NCEH1: variants seen among roughly 807,000 people sequenced by gnomAD.
The protein encoded by NCEH1 is 2-acetyl MAGE hydrolase.
Under a neutral mutation model 25.4 loss-of-function variants are expected in NCEH1, and 9 were observed. That is an observed-to-expected ratio of 0.35 (90% confidence interval 0.21 to 0.62). The LOEUF is 0.62. NCEH1 is among the 20% of genes least tolerant of loss of function. The probability of loss-of-function intolerance (pLI) is 0.72; values close to 1 mark genes in which losing one functional copy is unlikely to be tolerated. For missense variants in NCEH1, 412 were observed against 501.1 expected (o/e 0.82, Z 1.70); for synonymous variants, 200 against 199.8 (o/e 1.00, Z -0.01).
At chr3:172,641,691 T>C (rs1201576237) in intron 3 of NCEH1, among the ~76,000 whole-genome samples, 3 of 152,298 alleles carry the variant, frequency 2.0e-5, no homozygotes, top group East Asian at 3.9e-4. Flanking sequence ...CTTACTTCTG[T>C]TTTCCTCAGT....
Position 172,633,640 on chromosome 3 carries a change from G to T in NCEH1, c.1062C>A (p.Gly354=). Reference sequence around the variant, plus strand: ...TCTCCAAACGCTTGGCATACATGATGCCATCGTCTCTGAGGACATCATGCT... The same window carrying T: ...TCTCCAAACGCTTGGCATACATGATTCCATCGTCTCTGAGGACATCATGCT... ...TCEHDVLRDD[G]IMYAKRLESA... is the part of the protein sequence containing the mutation. Residue 354 remains glycine (G), a synonymous_variant, in exon 5 of 5, where the codon GGC becomes GGA. Transcript: ENST00000475381. 5 of 1,614,172 alleles carry T rather than the reference G, an allele frequency of 3.1e-6. No homozygotes were observed. The highest frequency in any genetic ancestry group is 4.2e-6 in the Non-Finnish European group (5 of 1,180,012).
chr3:172,664,206 C>T (rs1483257633), intron 1 of NCEH1, among the ~76,000 whole-genome samples: 1 of 152,126 alleles, frequency 6.6e-6, no homozygotes, highest in South Asian at 2.1e-4. Context: ...TTTTATTTCT[C>T]CTTCACTTAT....
intron 1 of NCEH1, among the ~76,000 whole-genome samples, chr3:172,655,700 GA>G (rs1330436353): frequency 2.6e-5 from 4 of 152,190 alleles, no homozygotes. Flanking sequence ...CTGAGGCCTG[GA>G]TCTCTACTCC....
At chr3:172,706,653 T>G (rs1714013485) in intron 1 of NCEH1, among the ~76,000 whole-genome samples, 1 of 151,842 alleles carries the variant, frequency 6.6e-6, no homozygotes, top group Admixed American at 6.6e-5. Flanking sequence ...CGCGCACCAC[T>G]GCACCCGGCT....
intron 1 of NCEH1, among the ~76,000 whole-genome samples, chr3:172,653,722 T>TTC (rs1717521999): frequency 6.8e-6 from 1 of 146,048 alleles, no homozygotes; most frequent in Non-Finnish European, 1.5e-5. Context: ...GTTTTTGTTG[T>TTC]TGTTGTTGTT....
At chr3:172,702,072 A>G (rs184454098) in intron 1 of NCEH1, among the ~76,000 whole-genome samples, 15 of 152,308 alleles carry the variant, frequency 9.8e-5, no homozygotes, top group South Asian at 2.1e-4. Context: ...TTCTATTATA[A>G]GGAAATCTAG....
intron 1 of NCEH1, among the ~76,000 whole-genome samples, chr3:172,679,029 G>A (rs544440140): frequency 2.0e-5 from 3 of 152,310 alleles, no homozygotes; most frequent in South Asian, 2.1e-4. Context: ...TGCTGTGTCC[G>A]CTTTCCATTG....
intron 1 of NCEH1, among the ~76,000 whole-genome samples, chr3:172,708,367 T>A (rs1004929426): frequency 2.6e-5 from 4 of 152,312 alleles, no homozygotes; most frequent in Admixed American, 1.3e-4. Flanking sequence ...ATTTATATAT[T>A]TTTTTGAGAC....
chr3:172,677,387 AC>A (rs1461997288), intron 1 of NCEH1, among the ~76,000 whole-genome samples: 3 of 152,162 alleles, frequency 2.0e-5, no homozygotes, highest in African/African-American at 4.8e-5. Flanking sequence ...TAAATTAAGT[AC>A]CCTTTTGTAC....
rs572792608 is a variant in NCEH1 at position 172,654,683 on chromosome 3, A to G, written c.139-6569T>C. ...AACCCATACACATCAATGACTTCGC[A>G]TCTGGTCAAGTTTCAACATGAACCA... On this transcript the variant is annotated intron_variant, in intron 1 of 4. Coordinates refer to ENST00000475381, the MANE Select transcript of NCEH1 (RefSeq NM_020792.6). Among the ~76,000 whole-genome samples, 5 of 152,380 alleles carry G rather than the reference A, an allele frequency of 3.3e-5. No homozygotes were observed. In the South Asian group the frequency reaches 1.0e-3, roughly 32 times the overall value.
rs773766685 is a variant in NCEH1, at chr3:172,647,972, ACT to A, written c.279_280del (p.Arg93SerfsTer3). 6.2e-7 allele frequency: 1 copy of A among 1,614,092 alleles called. No homozygotes were observed. The highest frequency in any genetic ancestry group is 2.2e-5 in the East Asian group (1 of 44,888). Reference sequence around the variant, plus strand: ...TTCGGGCTTCGGAGGGCCTTCAAACACTCTGACTTCCACACCATCAAAGTCTG... The same window carrying A: ...TTCGGGCTTCGGAGGGCCTTCAAACACTGACTTCCACACCATCAAAGTCTG... On this transcript the variant is annotated frameshift_variant, in exon 2 of 5. Transcript: ENST00000475381. LOFTEE classifies it high-confidence loss of function.
intron 1 of NCEH1, among the ~76,000 whole-genome samples, chr3:172,685,106 T>A (rs2042036): frequency 0.35 from 53,313 of 151,624 alleles, 9,742 homozygotes; most frequent in African/African-American, 0.43. Flanking sequence ...AGCCTGGGCA[T>A]CATGGTAAAA....
chr3:172,643,254 TA>T (rs1389667854), intron 3 of NCEH1, among the ~76,000 whole-genome samples: 1 of 152,060 alleles, frequency 6.6e-6, no homozygotes, highest in African/African-American at 2.4e-5. Context: ...CTTTGTTTTT[TA>T]AAAAATAGGG....
chr3:172,689,560 A>T (rs2108527211), intron 1 of NCEH1, among the ~76,000 whole-genome samples: 1 of 150,564 alleles, frequency 6.6e-6, no homozygotes, highest in Middle Eastern at 3.4e-3. Flanking sequence ...GTATTTCAAA[A>T]TTAGCCAGGC....
chr3:172,698,274 G>A (rs1337690540), intron 1 of NCEH1, among the ~76,000 whole-genome samples: 2 of 152,102 alleles, frequency 1.3e-5, no homozygotes, highest in Non-Finnish European at 2.9e-5. Context: ...ACTGCACCCG[G>A]CCTCTAAAAG....
At position 172,691,423 on chromosome 3, in the gene NCEH1, A is replaced by G. The variant is rs377229528; in HGVS notation, c.138+19424T>C. 2.2e-3 allele frequency among the ~76,000 whole-genome samples: 21 copies of G among 9,628 alleles called. No homozygotes were observed. In the East Asian group the frequency reaches 0.21, roughly 97 times the overall value. 6.3% of individuals were successfully genotyped at this position (9,628 alleles called of 152,430 possible). ...ACCTCTTACATAATTTGTATTCAAT[A>G]TAATTGTGAATATGAGTGACTTTCG... On this transcript the variant is annotated intron_variant, in intron 1 of 4. Coordinates refer to ENST00000475381, the MANE Select transcript of NCEH1 (RefSeq NM_020792.6).
rs2302815 is a variant in NCEH1, at chr3:172,648,042, T to G, written c.211A>C (p.Lys71Gln). Residue 71 changes from lysine (K) to glutamine (Q), a missense_variant, in exon 2 of 5, where the codon AAA becomes CAA. Around this residue, in one of 3 missense-constraint regions of NCEH1, gnomAD observed 178 missense variants for 189.2 expected, o/e 0.94. Transcript: ENST00000475381. ...TGGGCAGAAGACCACGCGCTTTTTT[T>G]GCCAAAAGAAACAATGATAAAATTC... ...ALNFIIVSFG[K>Q]KSAWSSAQVK... is the part of the protein sequence containing the mutation. The G allele has an allele frequency of 0.099, 159,654 of 1,613,936 alleles. 8,488 individuals are homozygous for G. The highest frequency in any genetic ancestry group is 0.2 in the African/African-American group (15,358 of 74,928).
intron 1 of NCEH1, among the ~76,000 whole-genome samples, chr3:172,668,559 T>C (rs1168891693): frequency 1.3e-5 from 2 of 151,966 alleles, no homozygotes; most frequent in East Asian, 3.9e-4. Flanking sequence ...TAGTTTCTTC[T>C]CTCTCCGACT....
chr3:172,654,015 A>C (rs534807643), intron 1 of NCEH1, among the ~76,000 whole-genome samples: 1 of 152,122 alleles, frequency 6.6e-6, no homozygotes, highest in East Asian at 1.9e-4. Context: ...TTGGCCTCCC[A>C]AAGTGCTGGG....
Sources: gnomAD v4.1 joint callset for allele counts (sites outside exome capture counted in the v4.1 genomes callset) on GRCh38, gnomAD v4.1.1 for gene constraint, gnomAD v4.1.1 regional missense constraint, MANE v1.5 for transcripts, NCBI Gene and HGNC (gene_info 2026-07-23, HGNC 2026-07-21) for gene names.